The following SAMD12 variants were observed in gnomAD, a reference collection of about 807,000 sequenced individuals.
The protein encoded by SAMD12 is sterile alpha motif domain containing 12, also known as sterile alpha motif domain-containing protein 12.
In SAMD12, 9 loss-of-function variants were observed where a neutral mutation model predicts 15.0. The observed-to-expected ratio is 0.60, with a 90% CI of 0.36 to 1.05. SAMD12 has a LOEUF of 1.05. SAMD12 is among the 50% of genes least tolerant of loss of function. The pLI, the probability that SAMD12 is intolerant of heterozygous loss-of-function variation, is 0.01. For missense variants in SAMD12, 230 were observed against 234.2 expected, an observed-to-expected ratio of 0.98 and a Z score of 0.12; for synonymous variants, 86 against 90.1, an observed-to-expected ratio of 0.96 and a Z score of 0.25.
downstream of SAMD12, among the ~76,000 whole-genome samples, chr8:118,375,058 G>A (rs114966379): frequency 6.2e-3 from 949 of 152,138 alleles, 4 homozygotes; most frequent in Middle Eastern, 0.034. Context: ...GGGGGTAGTT[G>A]CAACAGATAC....
chr8:118,318,822 C>T (rs1457145175), intron 4 of SAMD12, among the ~76,000 whole-genome samples: 2 of 152,092 alleles, frequency 1.3e-5, no homozygotes, highest in African/African-American at 4.8e-5. Context: ...AACAAGGTGA[C>T]ATGTGTCTTT....
chr8:118,406,248 T>A (rs1428185094), intron 3 of SAMD12, among the ~76,000 whole-genome samples: 2 of 152,082 alleles, frequency 1.3e-5, no homozygotes, highest in Non-Finnish European at 2.9e-5. Flanking sequence ...TAACATAATT[T>A]ACCATCTTAA....
chr8:118,469,126 T>G (rs1823685372), intron 2 of SAMD12, among the ~76,000 whole-genome samples: 1 of 152,086 alleles, frequency 6.6e-6, no homozygotes, highest in Admixed American at 6.6e-5. Flanking sequence ...GAAGTCCCCT[T>G]GTCATCTCTC....
At chr8:118,377,799 T>C (rs950666771), downstream of SAMD12, among the ~76,000 whole-genome samples, 1 of 152,204 alleles carries the variant, frequency 6.6e-6, no homozygotes, top group Non-Finnish European at 1.5e-5. Flanking sequence ...GGTCTCATTC[T>C]ATATAGATCA....
chr8:118,550,625 G>A (rs957839497), intron 2 of SAMD12, among the ~76,000 whole-genome samples: 12 of 151,970 alleles, frequency 7.9e-5, no homozygotes, highest in African/African-American at 2.2e-4. Flanking sequence ...ATCAACTAAC[G>A]AGCAAAATAA....
At chr8:118,267,745 A>G (rs1341846867) in intron 4 of SAMD12, among the ~76,000 whole-genome samples, 1 of 151,930 alleles carries the variant, frequency 6.6e-6, no homozygotes, top group East Asian at 1.9e-4. Context: ...ATTTAAAGAT[A>G]TACAGGCTTA....
intron 2 of SAMD12, among the ~76,000 whole-genome samples, chr8:118,444,225 AC>A (rs146503560): frequency 0.019 from 2,875 of 152,344 alleles, 78 homozygotes; most frequent in African/African-American, 0.053. Context: ...CATTAAAAAA[AC>A]ATTTGCCCCA....
intron 4 of SAMD12, among the ~76,000 whole-genome samples, chr8:118,317,360 A>C (rs1017043502): frequency 2.0e-5 from 3 of 152,216 alleles, no homozygotes; most frequent in South Asian, 2.1e-4. Context: ...TTATAGTCAG[A>C]GTAGTCCCAA....
chr8:118,488,443 G>A (rs901008783), intron 2 of SAMD12, among the ~76,000 whole-genome samples: 5 of 152,120 alleles, frequency 3.3e-5, no homozygotes, highest in Non-Finnish European at 5.9e-5. Flanking sequence ...TTTTGCATAT[G>A]TATACACCAT....
chr8:118,244,519 C>G (rs562386999), intron 4 of SAMD12, among the ~76,000 whole-genome samples: 1 of 152,178 alleles, frequency 6.6e-6, no homozygotes, highest in South Asian at 2.1e-4. Context: ...ATTTGCAGTC[C>G]TTTCCATGGT....
chr8:118,229,831 A>T (rs1812268736), intron 4 of SAMD12, among the ~76,000 whole-genome samples: 1 of 152,170 alleles, frequency 6.6e-6, no homozygotes, highest in Non-Finnish European at 1.5e-5. Context: ...CTGCCCTACC[A>T]GGGCCAGTAA....
At chr8:118,141,621 G>A in the SAMD12 span, among the ~76,000 whole-genome samples, 2 of 152,244 alleles carry the variant, frequency 1.3e-5, no homozygotes, top group Non-Finnish European at 2.9e-5. Context: ...TAAGGAGGGA[G>A]AAATGGGGTA....
intron 4 of SAMD12, among the ~76,000 whole-genome samples, chr8:118,372,290 A>G (rs2130684755): frequency 6.6e-6 from 1 of 152,280 alleles, no homozygotes; most frequent in Non-Finnish European, 1.5e-5. Context: ...GTCAATAGAT[A>G]CTGAGAAAAT....
At chr8:118,169,840 C>G in the SAMD12 span, among the ~76,000 whole-genome samples, 1 of 152,166 alleles carries the variant, frequency 6.6e-6, no homozygotes, top group Non-Finnish European at 1.5e-5. Context: ...TAATTTTTCT[C>G]AAAGACTGAG....
chr8:118,433,175 G>A (rs1203828435), intron 3 of SAMD12, among the ~76,000 whole-genome samples: 2 of 152,158 alleles, frequency 1.3e-5, no homozygotes, highest in Non-Finnish European at 2.9e-5. Context: ...CCAGTCCCAT[G>A]TTCTGTCCTC....
intron 2 of SAMD12, among the ~76,000 whole-genome samples, chr8:118,475,625 G>T (rs1373531159): frequency 1.3e-5 from 2 of 152,190 alleles, no homozygotes; most frequent in East Asian, 3.8e-4. Flanking sequence ...TAGCTCCAGA[G>T]TCTGTACTCC....
intron 2 of SAMD12, among the ~76,000 whole-genome samples, chr8:118,473,868 G>C (rs533790557): frequency 4.6e-5 from 7 of 152,166 alleles, no homozygotes; most frequent in Non-Finnish European, 1.0e-4. Flanking sequence ...GTACTGCACA[G>C]GTCCATCCAA....
the SAMD12 span, among the ~76,000 whole-genome samples, chr8:118,172,872 CTT>C: frequency 6.6e-6 from 1 of 152,116 alleles, no homozygotes; most frequent in African/African-American, 2.4e-5. Flanking sequence ...AGAATTGAAA[CTT>C]TATACCATTT....
intron 4 of SAMD12, among the ~76,000 whole-genome samples, chr8:118,309,304 G>T (rs111931784): frequency 0.018 from 2,680 of 151,962 alleles, 64 homozygotes; most frequent in African/African-American, 0.059. Flanking sequence ...CATCCAGGTT[G>T]CTGCAAATGC....
Sources: gnomAD v4.1 joint callset for allele counts (sites outside exome capture counted in the v4.1 genomes callset) on GRCh38, gnomAD v4.1.1 for gene constraint, MANE v1.5 for transcripts, NCBI Gene and HGNC (gene_info 2026-07-23, HGNC 2026-07-21) for gene names.